Variants in LRRC42 observed in about 807,000 individuals in gnomAD.
LRRC42 encodes leucine rich repeat containing 42, also known as leucine-rich repeat-containing protein 42.
LRRC42 carries 43 observed loss-of-function variants against 44.3 expected under a neutral mutation model. The ratio of observed to expected loss-of-function variants is 0.97; its 90% CI spans 0.76 to 1.25. The LOEUF (loss-of-function observed/expected upper bound fraction) is 1.25. Ranked by LOEUF, LRRC42 falls within the 50% of genes most tolerant of loss-of-function variation. The pLI is 0.00. For synonymous variants in LRRC42, 207 were observed against 195.2 expected (o/e 1.06, Z -0.50); for missense variants, 540 against 509.1 (o/e 1.06, Z -0.58).
chr1:53,960,998 TG>T (rs1341634998), intron 5 of LRRC42, among the ~76,000 whole-genome samples: 1 of 152,136 alleles, frequency 6.6e-6, no homozygotes, highest in African/African-American at 2.4e-5. Context: ...GAAAGAGCAG[TG>T]GTTTGAGGTC....
At chr1:53,953,878 CCCA>C (rs1379628284) in intron 3 of LRRC42, among the ~76,000 whole-genome samples, 4 of 151,940 alleles carry the variant, frequency 2.6e-5, no homozygotes, top group Non-Finnish European at 4.4e-5. Context: ...ATTACAGGTG[CCCA>C]CCACCATGCC....
At chr1:53,951,920 A>G (rs1654695564) in intron 2 of LRRC42, 66 bp from the exon 3 acceptor site, 2 of 1,270,952 alleles carry the variant, frequency 1.6e-6, no homozygotes, top group Admixed American at 2.3e-5. Context: ...GGGCACAGCA[A>G]GATGAAGTTA....
At chr1:53,966,449 TC>T in intron 8 of LRRC42, 69 bp downstream of exon 8, 2 of 1,088,002 alleles carry the variant, frequency 1.8e-6, no homozygotes, top group Admixed American at 1.8e-5. Context: ...TCGCTTGTTT[TC>T]CCTCCTTGGA....
intron 7 of LRRC42, among the ~76,000 whole-genome samples, chr1:53,965,754 C>T (rs565202707): frequency 2.2e-3 from 333 of 152,176 alleles, no homozygotes; most frequent in Non-Finnish European, 3.7e-3. Context: ...GGATTATAGG[C>T]GTGAGCCACC....
intron 7 of LRRC42, among the ~76,000 whole-genome samples, chr1:53,963,965 T>C (rs1655062940): frequency 1.2e-5 from 1 of 85,678 alleles, no homozygotes; most frequent in African/African-American, 4.5e-5. Context: ...CCCATCTTCA[T>C]TGTCCCCCTT....
intron 3 of LRRC42, among the ~76,000 whole-genome samples, chr1:53,953,354 G>A (rs964835734): frequency 6.6e-6 from 1 of 152,076 alleles, no homozygotes; most frequent in Non-Finnish European, 1.5e-5. Flanking sequence ...ATCAATACTT[G>A]TAGATTTTTT....
intron 4 of LRRC42, among the ~76,000 whole-genome samples, chr1:53,959,989 T>C (rs965531693): frequency 6.6e-6 from 1 of 151,234 alleles, no homozygotes; most frequent in Non-Finnish European, 1.5e-5. Flanking sequence ...GGTGCAATCA[T>C]AGCTCACTGC....
intron 5 of LRRC42, among the ~76,000 whole-genome samples, chr1:53,960,941 G>A (rs975353120): frequency 2.6e-5 from 4 of 152,128 alleles, no homozygotes; most frequent in South Asian, 2.1e-4. Flanking sequence ...CAATTTAACC[G>A]AGCATCCATT....
At chr1:53,955,157 G>A (rs965163094) in intron 3 of LRRC42, among the ~76,000 whole-genome samples, 6 of 151,988 alleles carry the variant, frequency 3.9e-5, no homozygotes, top group East Asian at 1.9e-4. Context: ...ACCAAAAAGC[G>A]GTCTAGATGG....
At chr1:53,949,995 T>C (rs1341445393) in intron 2 of LRRC42, among the ~76,000 whole-genome samples, 2 of 152,372 alleles carry the variant, frequency 1.3e-5, no homozygotes, top group Non-Finnish European at 1.5e-5. Context: ...CTAGGCACTA[T>C]GTCAAGCCTG....
chr1:53,952,411 T>C lies in LRRC42; in HGVS notation c.412T>C (p.Leu138=), dbSNP rs1654717581. The C allele has an allele frequency of 6.2e-7, 1 of 1,610,776 alleles. No homozygotes were observed. Among genetic ancestry groups the C allele is most frequent in the South Asian group, 1.1e-5 (1 of 91,048 alleles). Residue 138 remains leucine (L), a synonymous_variant, in exon 3 of 9, where the codon TTA becomes CTA. Transcript: ENST00000371370. ...FTEPGAGLRA[L]QKFTEAYGSL... is the part of the protein sequence containing the mutation. ...TGAGCCAGGTGCAGGGCTGAGGGCT[T>C]TACAGAAATTCACTGAGGCCTATGG...
chr1:53,960,504 T>G, intron 5 of LRRC42, 30 bp downstream of exon 5: 1 of 1,465,168 alleles, frequency 6.8e-7, no homozygotes, highest in Non-Finnish European at 9.5e-7. Flanking sequence ...ATAGATTATT[T>G]TAATGTTGGA....
intron 7 of LRRC42, among the ~76,000 whole-genome samples, chr1:53,965,008 GTT>G (rs548333281): frequency 3.5e-5 from 4 of 112,792 alleles, no homozygotes; most frequent in African/African-American, 3.2e-5. Context: ...GTTTTTTTTT[GTT>G]TTTTTTTTTT....
At chr1:53,947,121 T>G (rs1461406118) in intron 1 of LRRC42, among the ~76,000 whole-genome samples, 56 of 111,864 alleles carry the variant, frequency 5.0e-4, no homozygotes, top group East Asian at 1.1e-3. Context: ...GGTGGAGGAG[T>G]GTGGGGAAGG....
intron 1 of LRRC42, among the ~76,000 whole-genome samples, 167 bp downstream of exon 1, chr1:53,946,716 G>A (rs1233354272): frequency 2.6e-5 from 4 of 151,932 alleles, no homozygotes; most frequent in African/African-American, 9.7e-5. Flanking sequence ...ATGGGTTTAA[G>A]GGTGGCGTAG....
chr1:53,947,196 CA>C (rs1654518616), intron 1 of LRRC42, among the ~76,000 whole-genome samples: 1 of 151,652 alleles, frequency 6.6e-6, no homozygotes, highest in South Asian at 2.1e-4. Flanking sequence ...GACAGCAAGC[CA>C]CCTTTCACCA....
At chr1:53,956,197 G>T (rs897579490) in intron 3 of LRRC42, among the ~76,000 whole-genome samples, 1 of 152,168 alleles carries the variant, frequency 6.6e-6, no homozygotes, top group Non-Finnish European at 1.5e-5. Context: ...GCAGGCACTT[G>T]CTATCTTGGG....
rs753661680 is a variant in LRRC42, at chr1:53,967,720, C to T, written c.1068C>T (p.His356=). The T allele has an allele frequency of 7.4e-6, 12 of 1,614,042 alleles. No individual in the cohort carries two copies. The South Asian group carries it at 1.2e-4, about 16-fold the overall frequency. ...APLKCPLADT[H]MNSSEKLQFY... is the part of the protein sequence containing the mutation. ...TGAAGTGTCCCCTGGCAGACACCCA[C>T]ATGAACTCTTCCGAGAAACTCCAGT... The change falls in exon 9 of 9, where the codon CAC becomes CAT. Residue 356 remains histidine, a synonymous_variant. Transcript: ENST00000371370.
At chr1:53,946,894 AGATAG>A (rs1315365954) in intron 1 of LRRC42, among the ~76,000 whole-genome samples, 7 of 143,302 alleles carry the variant, frequency 4.9e-5, no homozygotes, top group African/African-American at 1.1e-4. Context: ...GGAGGAAACG[AGATAG>A]GATAGGAATA....
Sources: allele counts gnomAD v4.1 joint callset (sites outside exome capture counted in the v4.1 genomes callset), GRCh38; gene constraint gnomAD v4.1.1; transcripts MANE v1.5; gene names NCBI Gene and HGNC (gene_info 2026-07-23, HGNC 2026-07-21).